The following DCC variants were observed in gnomAD, a reference collection of about 807,000 sequenced individuals.
DCC encodes the protein netrin receptor DCC.
In DCC, 58 loss-of-function variants were observed where a neutral mutation model predicts 172.5. The observed-to-expected ratio is 0.34, with a 90% CI of 0.27 to 0.42. The LOEUF (loss-of-function observed/expected upper bound fraction) is 0.42. Among genes scored for constraint, DCC ranks in the 10% least tolerant of loss-of-function variants. The pLI is 1.00. For missense variants in DCC, 1,740 were observed against 1,791.0 expected, an observed-to-expected ratio of 0.97 and a Z score of 0.51; for synonymous variants, 709 against 644.5, an observed-to-expected ratio of 1.10 and a Z score of -1.52.
chr18:53,056,926 C>CTG (rs2042413143), intron 5 of DCC, among the ~76,000 whole-genome samples: 4 of 151,752 alleles, frequency 2.6e-5, no homozygotes, highest in Admixed American at 2.0e-4. Flanking sequence ...TTTCAAAGAG[C>CTG]TGTGGTAATT....
chr18:53,154,215 G>T (rs2054691651), intron 7 of DCC, among the ~76,000 whole-genome samples: 1 of 152,056 alleles, frequency 6.6e-6, no homozygotes, highest in Non-Finnish European at 1.5e-5. Flanking sequence ...GTCCCCGATG[G>T]GATTTGCCCT....
intron 1 of DCC, among the ~76,000 whole-genome samples, chr18:52,492,131 T>C (rs2030533289): frequency 6.6e-6 from 1 of 151,866 alleles, no homozygotes; most frequent in African/African-American, 2.4e-5. Context: ...TATATAAATA[T>C]TTCTGAGAGT....
At chr18:52,564,228 A>G (rs2033103802) in intron 1 of DCC, among the ~76,000 whole-genome samples, 1 of 152,164 alleles carries the variant, frequency 6.6e-6, no homozygotes, top group South Asian at 2.1e-4. Flanking sequence ...GAAGAGGTCT[A>G]TGAGAGAATA....
At chr18:52,596,300 T>G (rs2144807837) in intron 1 of DCC, among the ~76,000 whole-genome samples, 1 of 152,326 alleles carries the variant, frequency 6.6e-6, no homozygotes, top group East Asian at 1.9e-4. Flanking sequence ...TGTGTTCAAC[T>G]TAACCAATCT....
chr18:53,276,753 G>A (rs938548938), intron 12 of DCC, among the ~76,000 whole-genome samples: 7 of 152,132 alleles, frequency 4.6e-5, no homozygotes, highest in African/African-American at 1.7e-4. Context: ...AAAATTGACA[G>A]TGGGATTACA....
intron 1 of DCC, among the ~76,000 whole-genome samples, chr18:52,535,719 G>A (rs2032269477): frequency 6.6e-6 from 1 of 152,120 alleles, no homozygotes; most frequent in South Asian, 2.1e-4. Context: ...CATTCTATTT[G>A]AAATAAAAAT....
chr18:53,290,724 C>T (rs1300496637), intron 12 of DCC, among the ~76,000 whole-genome samples: 3 of 151,992 alleles, frequency 2.0e-5, no homozygotes, highest in Non-Finnish European at 4.4e-5. Context: ...TGAATATTGG[C>T]CATACCTAAA....
intron 7 of DCC, among the ~76,000 whole-genome samples, chr18:53,153,726 A>C (rs972904918): frequency 6.6e-6 from 1 of 152,184 alleles, no homozygotes; most frequent in Non-Finnish European, 1.5e-5. Flanking sequence ...ACCTCAACTA[A>C]ACCAAGAGGG....
At chr18:52,556,304 T>G (rs2032912856) in intron 1 of DCC, among the ~76,000 whole-genome samples, 2 of 152,110 alleles carry the variant, frequency 1.3e-5, no homozygotes, top group African/African-American at 4.8e-5. Flanking sequence ...TATTATACAT[T>G]TAATGGTAGT....
intron 1 of DCC, among the ~76,000 whole-genome samples, chr18:52,389,780 C>T (rs1293052686): frequency 6.6e-6 from 1 of 151,976 alleles, no homozygotes; most frequent in African/African-American, 2.4e-5. Context: ...CTAGGTCCTC[C>T]ATCATTTGAT....
chr18:52,714,376 A>G (rs1297123476), intron 1 of DCC, among the ~76,000 whole-genome samples: 1 of 152,244 alleles, frequency 6.6e-6, no homozygotes, highest in Non-Finnish European at 1.5e-5. Flanking sequence ...TCAGCCAAAC[A>G]GACAAAGCAA....
chr18:52,497,447 A>G (rs1454355742), intron 1 of DCC, among the ~76,000 whole-genome samples: 1 of 151,114 alleles, frequency 6.6e-6, no homozygotes, highest in East Asian at 1.9e-4. Flanking sequence ...AAAGAGGAAC[A>G]ACATAAGTTT....
chr18:53,170,575 G>A (rs1189015520), intron 8 of DCC, among the ~76,000 whole-genome samples: 1 of 152,118 alleles, frequency 6.6e-6, no homozygotes, highest in East Asian at 1.9e-4. Context: ...GGACGCAATA[G>A]ATTTATTTCT....
chr18:52,371,016 A>C (rs944857562), intron 1 of DCC, among the ~76,000 whole-genome samples: 3 of 152,202 alleles, frequency 2.0e-5, no homozygotes, highest in Non-Finnish European at 2.9e-5. Flanking sequence ...TTCAGAAATC[A>C]ATAGAACTTT....
At chr18:52,732,078 C>T (rs574651987) in intron 1 of DCC, among the ~76,000 whole-genome samples, 18 of 152,286 alleles carry the variant, frequency 1.2e-4, no homozygotes, top group East Asian at 1.9e-4. Context: ...GAAGCCTAGA[C>T]TTCTACTAGA....
intron 2 of DCC, among the ~76,000 whole-genome samples, chr18:52,876,363 G>T (rs2039402940): frequency 6.6e-6 from 1 of 151,650 alleles, no homozygotes; most frequent in South Asian, 2.1e-4. Flanking sequence ...TTATTAATAG[G>T]ATTTAATTTT....
intron 7 of DCC, among the ~76,000 whole-genome samples, chr18:53,067,329 T>C (rs2042586261): frequency 6.6e-6 from 1 of 152,018 alleles, no homozygotes; most frequent in Non-Finnish European, 1.5e-5. Context: ...GAGACCAATC[T>C]GGACAACATG....
At chr18:53,281,408 G>A (rs141162161) in intron 12 of DCC, among the ~76,000 whole-genome samples, 16 of 152,118 alleles carry the variant, frequency 1.1e-4, no homozygotes, top group African/African-American at 3.9e-4. Context: ...ACAATATATT[G>A]CATGGCTGAG....
At chr18:52,834,353 C>A (rs559766559) in intron 2 of DCC, among the ~76,000 whole-genome samples, 35 of 152,306 alleles carry the variant, frequency 2.3e-4, no homozygotes, top group Admixed American at 5.9e-4. Context: ...AGACCAGAAA[C>A]CTTAGCATTG....
Sources: allele counts gnomAD v4.1 joint callset (sites outside exome capture counted in the v4.1 genomes callset), GRCh38; gene constraint gnomAD v4.1.1; transcripts MANE v1.5; gene names NCBI Gene and HGNC (gene_info 2026-07-23, HGNC 2026-07-21).